The following ZNF132 variants were observed in gnomAD, a reference collection of about 807,000 sequenced individuals.
ZNF132 encodes the protein zinc finger protein 132 (clone pHZ-12).
Under a neutral mutation model 9.3 loss-of-function variants are expected in ZNF132, and 6 were observed. The ratio of observed to expected loss-of-function variants is 0.65; its 90% CI spans 0.35 to 1.28. The LOEUF (loss-of-function observed/expected upper bound fraction) is 1.28. Among genes scored for constraint, ZNF132 ranks in the 50% most tolerant of loss-of-function variants. ZNF132 has a pLI of 0.03. For missense variants in ZNF132, 877 were observed against 843.2 expected (o/e 1.04, Z -0.50); for synonymous variants, 296 against 292.0 (o/e 1.01, Z -0.14).
At chr19:58,439,043 G>A (rs1398675176) in intron 1 of ZNF132, among the ~76,000 whole-genome samples, 1 of 152,114 alleles carries the variant, frequency 6.6e-6, no homozygotes, top group Non-Finnish European at 1.5e-5. Context: ...CAAAGTGCTG[G>A]GATTACAAGT....
rs1443816959 is a variant in ZNF132 at position 58,433,339 on chromosome 19, T to G, written c.2105A>C (p.Lys702Thr). ...AGGCTCCACTCAGGTATGAATCTTT[T>G]TATGCTGTGCAAGGTTACAAAGATG... ...FSHLCNLAQH[K>T]KIHT Residue 702 changes from lysine (K) to threonine (T), a missense_variant, in exon 3 of 3, where the codon AAA becomes ACA. Transcript: ENST00000254166. 2.5e-6 allele frequency: 4 copies of G among 1,612,964 alleles called. No homozygotes were observed.
At chr19:58,439,020 C>A (rs905251757) in intron 1 of ZNF132, among the ~76,000 whole-genome samples, 1 of 149,754 alleles carries the variant, frequency 6.7e-6, no homozygotes, top group Non-Finnish European at 1.5e-5. Flanking sequence ...GTGATCTGGC[C>A]GCCTTGGCCT....
rs756962559 is a variant in ZNF132 at position 58,434,575 on chromosome 19, G to A, written c.869C>T (p.Pro290Leu). The stretch of plus-strand genomic sequence containing the variant: ...CTTCCCACACTCCTTACACACATGG[G>A]GTATTTCCCCAGTGTGAAACTTTTT... ...GNKKFHTGEI[P>L]HVCKECGKAF... The change falls in exon 3 of 3, where the codon CCC (proline) becomes CTC (leucine). Residue 290 changes from proline to leucine, a missense_variant. Physicochemically the swap from Pro to Leu is moderately conservative, Grantham distance 98. Coordinates refer to ENST00000254166, the MANE Select transcript of ZNF132 (RefSeq NM_003433.4). 2.5e-6 allele frequency: 4 copies of A among 1,613,960 alleles called. No individual in the cohort carries two copies. In the African/African-American group the frequency reaches 5.3e-5, roughly 22 times the overall value.
chr19:58,440,087 G>T lies in ZNF132; in HGVS notation c.-266C>A, dbSNP rs548876190. 1 of 487,182 alleles carries T rather than the reference G, an allele frequency of 2.1e-6. No homozygotes were observed. Among genetic ancestry groups the T allele is most frequent in the East Asian group, 4.0e-5 (1 of 25,144 alleles). The allele number at this position is 487,182 out of a possible 1,614,324, so 30.2% of individuals were successfully genotyped here. A position where few individuals can be genotyped will look rare whatever the true frequency, so the allele number is the denominator to read the frequency against. ...GGTGACGGTCCCTGCACCCACTCCC[G>T]TGCCCTGGTGTGGCTCCAGAGGCCT... is the stretch of plus-strand genomic sequence containing the variant. On this transcript the variant is annotated 5_prime_UTR_variant, in exon 1 of 3. Transcript: ENST00000254166.
At position 58,434,227 on chromosome 19, in the gene ZNF132, C is replaced by G; in HGVS notation, c.1217G>C (p.Ser406Thr). 6.2e-7 allele frequency: 1 copy of G among 1,614,074 alleles called. No individual in the cohort carries two copies. Among genetic ancestry groups the G allele is most frequent in the Non-Finnish European group, 8.5e-7 (1 of 1,179,956 alleles). ...TCGGCTGAAGGATTTACCACATTGA[C>G]TGCACTCATAAGGTCTTACCTGTGT... ...VHTQVRPYECSQCGKSFSRSS... is the reference protein window; with the variant it reads ...VHTQVRPYECTQCGKSFSRSS... Residue 406 changes from serine to threonine, a missense_variant, in exon 3 of 3, where the codon AGT (serine) becomes ACT (threonine). By Grantham distance (58) the Ser-to-Thr change is moderately conservative. Coordinates refer to ENST00000254166, the MANE Select transcript of ZNF132 (RefSeq NM_003433.4).
In ZNF132 at chr19:58,433,644, T is replaced by C. The variant is rs2052755427; in HGVS notation, c.1800A>G (p.Lys600=). 1.9e-6 allele frequency: 3 copies of C among 1,613,802 alleles called. No individual in the cohort carries two copies. Among genetic ancestry groups the C allele is most frequent in the African/African-American group, 2.7e-5 (2 of 74,818 alleles). Residue 600 remains lysine (K), a synonymous_variant, in exon 3 of 3, where the codon AAA becomes AAG. Transcript: ENST00000254166. ...QKVHTGEKPY[K]CSECGKFFSR... is the part of the protein sequence containing the mutation. ...TAAAGAATTTCCCACATTCACTGCA[T>C]TTATAAGGCTTTTCTCCAGTATGAA...
In ZNF132 at chr19:58,434,268, C is replaced by T. The variant is rs758562907; in HGVS notation, c.1176G>A (p.Arg392=). The part of the protein sequence containing the change: ...RAFSQSSNFL[R]HQKVHTQVRP... ...TTACCTGTGTGTGAACTTTCTGATG[C>T]CGAAGGAAATTGGAGCTTTGGCTGA... Residue 392 remains arginine, a synonymous_variant, in exon 3 of 3, where the codon CGG becomes CGA. Transcript: ENST00000254166. The T allele has an allele frequency of 3.1e-6, 5 of 1,613,120 alleles. No individual in the cohort carries two copies. Among genetic ancestry groups the T allele is most frequent in the Non-Finnish European group, 2.5e-6 (3 of 1,179,820 alleles).
chr19:58,437,027 A>C lies in ZNF132; in HGVS notation c.232+20T>G. ...CACAAGGCATAAGGTAGTCATCACCATGCTGAGACAGGGCATTACCAAGTG... is the reference window on the plus strand; with the variant it reads ...CACAAGGCATAAGGTAGTCATCACCCTGCTGAGACAGGGCATTACCAAGTG... On this transcript the variant is annotated intron_variant, in intron 2 of 2. Coordinates refer to ENST00000254166, the MANE Select transcript of ZNF132 (RefSeq NM_003433.4). The C allele has an allele frequency of 6.2e-7, 1 of 1,614,184 alleles. No homozygotes were observed. Among genetic ancestry groups the C allele is most frequent in the East Asian group, 2.2e-5 (1 of 44,886 alleles).
intron 1 of ZNF132, chr19:58,437,578 C>T: frequency 1.5e-6 from 1 of 645,598 alleles, no homozygotes; most frequent in Non-Finnish European, 1.9e-6. Flanking sequence ...CTTTCTTAAG[C>T]CTCTTGTACC....
chr19:58,434,802 G>C lies in ZNF132; in HGVS notation c.642C>G (p.Asp214Glu), dbSNP rs774229132. The change falls in exon 3 of 3, where the codon GAC becomes GAG. Residue 214 changes from aspartate (D) to glutamate (E), a missense_variant. By Grantham distance (45) the Asp-to-Glu change is conservative (BLOSUM62 2). Coordinates refer to ENST00000254166, the MANE Select transcript of ZNF132 (RefSeq NM_003433.4). ...SCDLLQLQAV[D>E]SGQKPYSNLG... ...GATTGGAATATGGCTTCTGCCCACT[G>C]TCAACAGCTTGAAGCTGGAGGAGGT... 11 of 1,614,190 alleles carry C rather than the reference G, an allele frequency of 6.8e-6. No homozygotes were observed. Among genetic ancestry groups the C allele is most frequent in the Middle Eastern group, 1.7e-4 (1 of 6,060 alleles).
intron 1 of ZNF132, among the ~76,000 whole-genome samples, chr19:58,439,472 T>G (rs746580663): frequency 3.3e-5 from 5 of 152,234 alleles, no homozygotes; most frequent in Non-Finnish European, 5.9e-5. Flanking sequence ...CCCAGAATGC[T>G]TCCATTTCAT....
chr19:58,439,733 G>A (rs1488391161), intron 1 of ZNF132, 26 bp downstream of exon 1: 17 of 1,499,666 alleles, frequency 1.1e-5, no homozygotes, highest in Non-Finnish European at 1.5e-5. Flanking sequence ...CCCAGCGGGT[G>A]AGGGCCTGGG....
chr19:58,435,482 TAC>T (rs1159150393), intron 2 of ZNF132: 6 of 359,576 alleles, frequency 1.7e-5, no homozygotes, highest in Non-Finnish European at 3.0e-5. Flanking sequence ...AGAAGATATA[TAC>T]ACAAATGGCC....
intron 1 of ZNF132, 115 bp downstream of exon 1, chr19:58,439,644 G>T: frequency 8.5e-7 from 1 of 1,174,088 alleles, no homozygotes; most frequent in Non-Finnish European, 1.2e-6. Flanking sequence ...GGACCCACGT[G>T]TGAGGACAGG....
At position 58,439,782 on chromosome 19, in the gene ZNF132, C is replaced by G. The variant is rs956403268; in HGVS notation, c.40G>C (p.Ala14Pro). ...PSPQVLMGLP[A>P]LLMGPAQHTS... is the part of the protein sequence containing the mutation. ...ACCTGCGCCGGGCCCATCAGCAACG[C>G]TGGCAACCCCATTAGAACCTGTGGG... is the stretch of plus-strand genomic sequence containing the variant. The change falls in exon 1 of 3, where the codon GCG becomes CCG. Residue 14 changes from alanine (A) to proline (P), a missense_variant. Transcript: ENST00000254166. The G allele has an allele frequency of 1.9e-6, 3 of 1,546,314 alleles. No homozygotes were observed. The highest frequency in any genetic ancestry group is 2.6e-6 in the Non-Finnish European group (3 of 1,145,882).
intron 2 of ZNF132, among the ~76,000 whole-genome samples, chr19:58,436,741 A>G (rs558776222): frequency 6.6e-6 from 1 of 151,728 alleles, no homozygotes; most frequent in African/African-American, 2.4e-5. Flanking sequence ...GCATGACCTC[A>G]TACTGGGTAA....
At position 58,434,825 on chromosome 19, in the gene ZNF132, G is replaced by A. The variant is rs368573423; in HGVS notation, c.619C>T (p.Leu207Phe). The A allele has an allele frequency of 1.2e-6, 2 of 1,614,162 alleles. No individual in the cohort carries two copies. The highest frequency in any genetic ancestry group is 1.7e-6 in the Non-Finnish European group (2 of 1,180,036). The change falls in exon 3 of 3, where the codon CTC (leucine) becomes TTC (phenylalanine). Residue 207 changes from leucine (L) to phenylalanine (F), a missense_variant. Coordinates refer to ENST00000254166, the MANE Select transcript of ZNF132 (RefSeq NM_003433.4). ...GGKVILGSCD[L>F]LQLQAVDSGQ... ...CTGTCAACAGCTTGAAGCTGGAGGA[G>A]GTCACAGCTGCCCAGGATGACCTTC...
In ZNF132 at chr19:58,433,053, C is replaced by T. The variant is rs2052751295; in HGVS notation, c.*270G>A. On this transcript the variant is annotated 3_prime_UTR_variant, in exon 3 of 3. Coordinates refer to ENST00000254166, the MANE Select transcript of ZNF132 (RefSeq NM_003433.4). ...CCTAGAGAACACAGGAAGGAAGGCT[C>T]AGGGTACTGTTTTCCCCATGCATGA... 2 of 498,296 alleles carry T rather than the reference C, an allele frequency of 4.0e-6. No homozygotes were observed. Among genetic ancestry groups the T allele is most frequent in the Non-Finnish European group, 7.1e-6 (2 of 282,830 alleles). 30.9% of individuals were successfully genotyped at this position (498,296 alleles called of 1,614,324 possible). A position where few individuals can be genotyped will look rare whatever the true frequency, so the allele number is the denominator to read the frequency against.
At position 58,439,812 on chromosome 19, in the gene ZNF132, G is replaced by A; in HGVS notation, c.10C>T (p.Pro4Ser). ...AACCCCATTAGAACCTGTGGGCTGG[G>A]CAGGGCCATAACAGGAGGCCCAGGG... MAL[P>S]SPQVLMGLPA... is the part of the protein sequence containing the mutation. The change falls in exon 1 of 3, where the codon CCC becomes TCC. Residue 4 changes from proline to serine, a missense_variant. Physicochemically the swap from Pro to Ser is moderately conservative, Grantham distance 74. Coordinates refer to ENST00000254166, the MANE Select transcript of ZNF132 (RefSeq NM_003433.4). The A allele has an allele frequency of 6.5e-7, 1 of 1,544,864 alleles. No individual in the cohort carries two copies. The highest frequency in any genetic ancestry group is 8.7e-7 in the Non-Finnish European group (1 of 1,145,192).
Sources: gnomAD v4.1 joint callset for allele counts (sites outside exome capture counted in the v4.1 genomes callset) on GRCh38, gnomAD v4.1.1 for gene constraint, MANE v1.5 for transcripts, NCBI Gene and HGNC (gene_info 2026-07-23, HGNC 2026-07-21) for gene names.